STXBP5: variants seen among roughly 807,000 people sequenced by gnomAD.
STXBP5 encodes the protein syntaxin binding protein 5.
Under a neutral mutation model 152.4 loss-of-function variants are expected in STXBP5, and 50 were observed. The observed-to-expected ratio is 0.33, with a 90% CI of 0.26 to 0.42. STXBP5 has a LOEUF of 0.42. STXBP5 is among the 10% of genes least tolerant of loss of function. The pLI is 1.00. For missense variants in STXBP5, 1,167 were observed against 1,388.6 expected (o/e 0.84, Z 2.54); for synonymous variants, 492 against 494.7 (o/e 0.99, Z 0.07).
intron 21 of STXBP5, among the ~76,000 whole-genome samples, chr6:147,346,416 C>T (rs9497755): frequency 0.017 from 2,537 of 152,090 alleles, 59 homozygotes; most frequent in African/African-American, 0.057. Flanking sequence ...AGACCTGAAG[C>T]GAGTATATTC....
intron 17 of STXBP5, among the ~76,000 whole-genome samples, chr6:147,326,501 C>T (rs138262402): frequency 2.0e-5 from 3 of 152,192 alleles, no homozygotes; most frequent in Non-Finnish European, 4.4e-5. Context: ...GCCATACAAT[C>T]TTAAGTAACC....
intron 7 of STXBP5, among the ~76,000 whole-genome samples, chr6:147,275,401 G>A (rs1359983955): frequency 1.3e-5 from 2 of 150,968 alleles, no homozygotes; most frequent in African/African-American, 4.9e-5. Context: ...TCTCTACCCT[G>A]GATTCATCTT....
At chr6:147,205,825 C>T (rs1053944226) in intron 1 of STXBP5, 146 bp from the exon 2 acceptor site, 1 of 538,162 alleles carries the variant, frequency 1.9e-6, no homozygotes, top group Middle Eastern at 2.8e-4. Context: ...ATGTAGGTTT[C>T]ACTTATTTTT....
chr6:147,338,624 A>T (rs915624490), intron 19 of STXBP5, among the ~76,000 whole-genome samples: 4 of 151,862 alleles, frequency 2.6e-5, no homozygotes, highest in African/African-American at 9.7e-5. Context: ...TACCTCCATA[A>T]ATTTAGGTAG....
chr6:147,243,861 G>C (rs907031110), intron 4 of STXBP5, among the ~76,000 whole-genome samples: 7 of 151,442 alleles, frequency 4.6e-5, no homozygotes, highest in Non-Finnish European at 7.4e-5. Context: ...AAGATTATCT[G>C]TTTCCCATTG....
chr6:147,221,042 A>G (rs1043708653), intron 2 of STXBP5, among the ~76,000 whole-genome samples: 6 of 151,966 alleles, frequency 3.9e-5, no homozygotes, highest in African/African-American at 1.4e-4. Context: ...GTTTCTTAGC[A>G]TATCAGTTAT....
Position 147,340,154 on chromosome 6 carries a change from C to T in STXBP5, c.2254+770C>T, listed in dbSNP as rs568165435. On this transcript the variant is annotated intron_variant, in intron 21 of 27. Coordinates refer to ENST00000321680, the MANE Select transcript of STXBP5 (RefSeq NM_001127715.4). ...TCATACAGTTATTGTATTATTTCCT[C>T]CCAAAACCTCTATCACATATTCTTT... is the stretch of plus-strand genomic sequence containing the variant. Among the ~76,000 whole-genome samples the T allele has an allele frequency of 1.3e-5, 2 of 151,986 alleles. 1 individual carries two copies. Among genetic ancestry groups the T allele is most frequent in the South Asian group, 4.1e-4 (2 of 4,828 alleles).
chr6:147,304,190 A>G (rs1012096851), intron 9 of STXBP5, among the ~76,000 whole-genome samples: 9 of 152,112 alleles, frequency 5.9e-5, no homozygotes, highest in Admixed American at 1.3e-4. Flanking sequence ...CTAGGAGAAA[A>G]AAATGTTTTC....
Position 147,267,162 on chromosome 6 carries a change from G to C in STXBP5, c.709G>C (p.Asp237His), listed in dbSNP as rs769133423. The C allele has an allele frequency of 1.3e-6, 2 of 1,599,736 alleles. No individual in the cohort carries two copies. Among genetic ancestry groups the C allele is most frequent in the South Asian group, 2.3e-5 (2 of 88,188 alleles). The part of the protein sequence containing the change: ...SKKADYRYTY[D>H]EAIHSVAWHH... ...GAAAGCCGACTACAGATACACATAT[G>C]ATGAGGTAATATTATTTTTGCTAGT... The change falls in exon 7 of 28, where the codon GAT (aspartate) becomes CAT (histidine). Residue 237 changes from aspartate to histidine, a missense_variant. This residue lies in a region of STXBP5 where 310 missense variants were observed against 346.1 expected (regional missense o/e 0.90). Coordinates refer to ENST00000321680, the MANE Select transcript of STXBP5 (RefSeq NM_001127715.4).
intron 8 of STXBP5, among the ~76,000 whole-genome samples, chr6:147,279,656 A>T (rs1780608355): frequency 6.6e-6 from 1 of 152,208 alleles, no homozygotes; most frequent in Non-Finnish European, 1.5e-5. Flanking sequence ...GAAATTCCCT[A>T]CACATCTATT....
At chr6:147,330,500 A>T (rs549430602) in intron 18 of STXBP5, among the ~76,000 whole-genome samples, 2 of 152,288 alleles carry the variant, frequency 1.3e-5, no homozygotes, top group South Asian at 4.1e-4. Flanking sequence ...TTTAAAAGGG[A>T]TCCCCAGTTG....
chr6:147,306,404 C>G (rs1334004094), intron 9 of STXBP5, among the ~76,000 whole-genome samples: 1 of 152,158 alleles, frequency 6.6e-6, no homozygotes, highest in Non-Finnish European at 1.5e-5. Flanking sequence ...AAAGGTTTCT[C>G]TGAGGAGGTG....
At chr6:147,225,808 A>C (rs1777681188) in intron 2 of STXBP5, among the ~76,000 whole-genome samples, 1 of 152,170 alleles carries the variant, frequency 6.6e-6, no homozygotes, top group Non-Finnish European at 1.5e-5. Context: ...AAGCAATAAG[A>C]GGAAATATTG....
rs539923565 is a variant in STXBP5, at chr6:147,266,177, C to T, written c.631-907C>T. Among the ~76,000 whole-genome samples the T allele has an allele frequency of 3.3e-5, 5 of 152,122 alleles. No homozygotes were observed. The South Asian group carries it at 1.0e-3, about 32-fold the overall frequency. ...GGCCATGGTATGGTAAGGGATGGAA[C>T]TGGAGAGGTAAACAGAGCTCATACC... is the stretch of plus-strand genomic sequence containing the variant. On this transcript the variant is annotated intron_variant, in intron 6 of 27. Transcript: ENST00000321680.
In STXBP5 at chr6:147,386,821, A is replaced by G. The variant is rs969707674; in HGVS notation, c.*2066A>G. 1 of 151,726 alleles carries G rather than the reference A, an allele frequency of 6.6e-6. No homozygotes were observed. The highest frequency in any genetic ancestry group is 1.5e-5 in the Non-Finnish European group (1 of 67,752). 9.4% of individuals were successfully genotyped at this position (151,726 alleles called of 1,614,324 possible). Reference sequence around the variant, plus strand: ...GGGAAAGCATTATGTAGATTAATATACTGGTTGGTTCCCTATCTATGTGGA... The same window carrying G: ...GGGAAAGCATTATGTAGATTAATATGCTGGTTGGTTCCCTATCTATGTGGA... On this transcript the variant is annotated 3_prime_UTR_variant, in exon 28 of 28. Coordinates refer to ENST00000321680, the MANE Select transcript of STXBP5 (RefSeq NM_001127715.4).
At chr6:147,296,916 G>A (rs1443764438) in intron 9 of STXBP5, among the ~76,000 whole-genome samples, 2 of 151,798 alleles carry the variant, frequency 1.3e-5, no homozygotes, top group African/African-American at 2.4e-5. Flanking sequence ...CCAGCCAGAG[G>A]GTGGAAAAAA....
chr6:147,205,370 G>GTATATATATATATATATATA (rs1776487094), intron 1 of STXBP5, among the ~76,000 whole-genome samples: 1 of 88,272 alleles, frequency 1.1e-5, no homozygotes, highest in Non-Finnish European at 2.3e-5. Flanking sequence ...TTAAAAGTGT[G>GTATATATATATATATATATA]CATATATATA....
chr6:147,290,246 A>G (rs566700566), intron 8 of STXBP5, among the ~76,000 whole-genome samples: 21 of 152,332 alleles, frequency 1.4e-4, no homozygotes, highest in East Asian at 1.9e-4. Context: ...TAGAATTTAC[A>G]TACATGCCAG....
At chr6:147,251,826 C>G (rs1480324681) in intron 4 of STXBP5, among the ~76,000 whole-genome samples, 1 of 151,398 alleles carries the variant, frequency 6.6e-6, no homozygotes, top group Non-Finnish European at 1.5e-5. Context: ...TCGACAGACA[C>G]CTCATACAGG....
Sources: allele counts gnomAD v4.1 joint callset (sites outside exome capture counted in the v4.1 genomes callset), GRCh38; gene constraint gnomAD v4.1.1; regional missense constraint gnomAD v4.1.1; transcripts MANE v1.5; gene names NCBI Gene and HGNC (gene_info 2026-07-23, HGNC 2026-07-21).